The following DEK variants were observed in gnomAD, a reference collection of about 807,000 sequenced individuals.
DEK encodes protein DEK.
DEK carries 28 observed loss-of-function variants against 46.8 expected under a neutral mutation model. That is an observed-to-expected ratio of 0.60 (90% CI 0.44 to 0.82). The LOEUF (loss-of-function observed/expected upper bound fraction) is 0.82, where lower values mean the gene tolerates loss of function less well. Ranked by LOEUF, DEK falls within the 40% of genes least tolerant of loss-of-function variation. The probability of loss-of-function intolerance (pLI) is 0.00; values close to 1 mark genes in which losing one functional copy is unlikely to be tolerated. For missense variants in DEK, 416 were observed against 430.6 expected (o/e 0.97, Z 0.30); for synonymous variants, 160 against 144.5 (o/e 1.11, Z -0.77).
intron 2 of DEK, among the ~76,000 whole-genome samples, chr6:18,259,684 T>C (rs1475522761): frequency 6.6e-6 from 1 of 152,080 alleles, no homozygotes; most frequent in Non-Finnish European, 1.5e-5. Flanking sequence ...TACGCCAATA[T>C]AAAAGATAAC....
At chr6:18,254,981 C>T (rs970430874) in intron 6 of DEK, among the ~76,000 whole-genome samples, 2 of 152,160 alleles carry the variant, frequency 1.3e-5, no homozygotes, top group African/African-American at 4.8e-5. Context: ...CATCTCCCAT[C>T]AGAGATGGCA....
chr6:18,230,881 C>T (rs545493451), intron 9 of DEK, among the ~76,000 whole-genome samples: 16 of 152,294 alleles, frequency 1.1e-4, no homozygotes, highest in South Asian at 6.2e-4. Flanking sequence ...GCGGACCTAA[C>T]AGACATCTAC....
chr6:18,257,119 A>G (rs73366562), intron 4 of DEK, among the ~76,000 whole-genome samples: 1,931 of 152,286 alleles, frequency 0.013, 33 homozygotes, highest in African/African-American at 0.044. Flanking sequence ...ATCCTTTAGC[A>G]AAGAACTATC....
In DEK at chr6:18,264,002, T is replaced by C; in HGVS notation, c.-9-6A>G. 1 of 1,591,710 alleles carries C rather than the reference T, an allele frequency of 6.3e-7. No homozygotes were observed. Among genetic ancestry groups the C allele is most frequent in the Non-Finnish European group, 8.6e-7 (1 of 1,169,558 alleles). On this transcript the variant is annotated splice_region_variant and splice_polypyrimidine_tract_variant and intron_variant, in intron 1 of 10. Coordinates refer to ENST00000652689, the MANE Select transcript of DEK (RefSeq NM_003472.4). ...GAGGCGGACATGCTGTGAACCTGCATGCGGGAAGAAAGCCGGACGTCTCGG... is the reference window on the plus strand; with the variant it reads ...GAGGCGGACATGCTGTGAACCTGCACGCGGGAAGAAAGCCGGACGTCTCGG...
intron 9 of DEK, among the ~76,000 whole-genome samples, chr6:18,227,954 C>T (rs946036310): frequency 1.1e-4 from 16 of 152,140 alleles, no homozygotes; most frequent in Non-Finnish European, 5.9e-5. Context: ...ATCCTAAGAC[C>T]CAGGTGGTCT....
At chr6:18,257,253 T>C (rs542776859) in intron 4 of DEK, among the ~76,000 whole-genome samples, 4 of 152,348 alleles carry the variant, frequency 2.6e-5, no homozygotes, top group African/African-American at 4.8e-5. Flanking sequence ...TGAGATCATA[T>C]GTATGATCTC....
chr6:18,261,635 G>C (rs1447366296), intron 2 of DEK, among the ~76,000 whole-genome samples: 1 of 152,214 alleles, frequency 6.6e-6, no homozygotes, highest in East Asian at 1.9e-4. Context: ...ACCAGACTGT[G>C]TGGGGCCTAT....
At chr6:18,232,922 G>GGCAGCACA (rs1167501423) in intron 9 of DEK, among the ~76,000 whole-genome samples, 1 of 152,138 alleles carries the variant, frequency 6.6e-6, no homozygotes. Flanking sequence ...CAAAGCTGGA[G>GGCAGCACA]GCAGCACACT....
At chr6:18,245,665 T>C (rs1429499315) in intron 7 of DEK, among the ~76,000 whole-genome samples, 1 of 152,218 alleles carries the variant, frequency 6.6e-6, no homozygotes, top group East Asian at 1.9e-4. Flanking sequence ...ATTTCCCCCT[T>C]TTTTCTGTAC....
At chr6:18,236,370 T>A (rs1790647282) in intron 9 of DEK, 82 bp downstream of exon 9, 1 of 1,457,772 alleles carries the variant, frequency 6.9e-7, no homozygotes, top group African/African-American at 1.4e-5. Context: ...TGAATGCACG[T>A]AAGTATTTAG....
chr6:18,232,149 C>T (rs538935471), intron 9 of DEK, among the ~76,000 whole-genome samples: 13 of 152,174 alleles, frequency 8.5e-5, no homozygotes, highest in Admixed American at 1.3e-4. Flanking sequence ...AAAAGGCCTT[C>T]GACAAAATTC....
intron 6 of DEK, among the ~76,000 whole-genome samples, chr6:18,253,325 A>G: frequency 6.6e-6 from 1 of 152,190 alleles, no homozygotes; most frequent in Non-Finnish European, 1.5e-5. Flanking sequence ...CCAATGATAA[A>G]CGTTATGATT....
intron 9 of DEK, among the ~76,000 whole-genome samples, chr6:18,231,403 A>C (rs1207828748): frequency 2.6e-5 from 4 of 152,312 alleles, no homozygotes; most frequent in East Asian, 1.9e-4. Flanking sequence ...ACACAAAAAA[A>C]CCTTCAAAAA....
chr6:18,224,301 CTGAG>C lies in DEK; in HGVS notation c.*1414_*1417del, dbSNP rs1280200382. 4.4e-5 allele frequency: 8 copies of C among 183,350 alleles called. No homozygotes were observed. The highest frequency in any genetic ancestry group is 3.1e-4 in the Admixed American group (5 of 15,996). The allele number at this position is 183,350 out of a possible 1,614,324, so 11.4% of individuals were successfully genotyped here. ...ACTTGTATTTACCTTTCCCTAGTGT[CTGAG>C]TAACTATCAAGAAACAAACCTGTGA... is the stretch of plus-strand genomic sequence containing the variant. On this transcript the variant is annotated 3_prime_UTR_variant, in exon 11 of 11. Transcript: ENST00000652689.
chr6:18,262,373 C>A (rs1791915879), intron 2 of DEK, among the ~76,000 whole-genome samples: 1 of 151,068 alleles, frequency 6.6e-6, no homozygotes, highest in Non-Finnish European at 1.5e-5. Context: ...GTTAAATATT[C>A]AGGGTTAAGT....
chr6:18,259,427 A>AT lies in DEK; in HGVS notation c.146-1023_146-1022insA, dbSNP rs1328288893. On this transcript the variant is annotated intron_variant, in intron 2 of 10. Coordinates refer to ENST00000652689, the MANE Select transcript of DEK (RefSeq NM_003472.4). Reference sequence around the variant, plus strand: ...AAAAAAAAAAAAAAAAAAAAAAAAAAAAAAAATCTAGAAAACAGGTAGCAT... The same window carrying AT: ...AAAAAAAAAAAAAAAAAAAAAAAAAATAAAAAATCTAGAAAACAGGTAGCAT... Among the ~76,000 whole-genome samples the AT allele has an allele frequency of 2.9e-3, 398 of 138,472 alleles. 14 individuals carry two copies. The highest frequency in any genetic ancestry group is 7.4e-3 in the Middle Eastern group (2 of 270). 90.8% of individuals were successfully genotyped at this position (138,472 alleles called of 152,430 possible). A position where few individuals can be genotyped will look rare whatever the true frequency, so the allele number is the denominator to read the frequency against.
At position 18,258,414 on chromosome 6, in the gene DEK, T is replaced by C. The variant is rs763700718; in HGVS notation, c.146-9A>G. 1.3e-6 allele frequency: 2 copies of C among 1,588,758 alleles called. No homozygotes were observed. Among genetic ancestry groups the C allele is most frequent in the Non-Finnish European group, 1.7e-6 (2 of 1,160,152 alleles). ...CACGATGAGACTCTTTTCTAGAAAT[T>C]AATTTAGTATTTCTTAATTAACAAA... is the stretch of plus-strand genomic sequence containing the variant. On this transcript the variant is annotated splice_polypyrimidine_tract_variant and intron_variant, in intron 2 of 10. Coordinates refer to ENST00000652689, the MANE Select transcript of DEK (RefSeq NM_003472.4).
chr6:18,247,838 A>G (rs897627187), intron 7 of DEK, among the ~76,000 whole-genome samples: 4 of 151,890 alleles, frequency 2.6e-5, no homozygotes, highest in African/African-American at 9.7e-5. Flanking sequence ...ACGCCCAGCT[A>G]ATTTTGTATT....
intron 9 of DEK, among the ~76,000 whole-genome samples, chr6:18,229,921 A>G (rs1790331617): frequency 6.6e-6 from 1 of 152,218 alleles, no homozygotes; most frequent in South Asian, 2.1e-4. Flanking sequence ...CAAGATACAT[A>G]ATTGCCAGAT....
Sources: gnomAD v4.1 joint callset for allele counts (sites outside exome capture counted in the v4.1 genomes callset) on GRCh38, gnomAD v4.1.1 for gene constraint, MANE v1.5 for transcripts, NCBI Gene and HGNC (gene_info 2026-07-23, HGNC 2026-07-21) for gene names.